The following NME9 variants were observed in gnomAD, a reference collection of about 807,000 sequenced individuals.
NME9 encodes NME/NM23 family member 9, also known as thioredoxin domain-containing protein 6.
In NME9, 48 loss-of-function variants were observed where a neutral mutation model predicts 44.4. That is an observed-to-expected ratio of 1.08 (90% confidence interval 0.86 to 1.37). NME9 has a LOEUF of 1.37. Among genes scored for constraint, NME9 ranks in the 40% most tolerant of loss-of-function variants. NME9 has a pLI of 0.00. For synonymous variants in NME9, 139 were observed against 147.1 expected, an observed-to-expected ratio of 0.94 and a Z score of 0.40; for missense variants, 325 against 405.2, an observed-to-expected ratio of 0.80 and a Z score of 1.70.
At chr3:138,262,886 G>A (rs1484363405) in intron 8 of NME9, among the ~76,000 whole-genome samples, 1 of 152,206 alleles carries the variant, frequency 6.6e-6, no homozygotes, top group Non-Finnish European at 1.5e-5. Context: ...GGAGTCACAT[G>A]CCTGGGTACG....
chr3:138,289,194 C>T, intron 8 of NME9: 1 of 1,174,920 alleles, frequency 8.5e-7, no homozygotes, highest in South Asian at 1.3e-5. Flanking sequence ...TAGCAGGTGC[C>T]CCTGAGATCC....
chr3:138,275,449 C>T (rs1222156574), intron 8 of NME9, among the ~76,000 whole-genome samples: 3 of 152,110 alleles, frequency 2.0e-5, no homozygotes, highest in African/African-American at 4.8e-5. Context: ...GTCCCAACTA[C>T]TGGGGAGGCT....
intron 2 of NME9, among the ~76,000 whole-genome samples, chr3:138,321,926 A>G (rs950939447): frequency 2.6e-5 from 4 of 151,836 alleles, no homozygotes; most frequent in Non-Finnish European, 4.4e-5. Flanking sequence ...CAACCAGAAA[A>G]TCAAAGACAA....
Position 138,291,350 on chromosome 3 carries a change from C to T in NME9, c.745+12157G>A, listed in dbSNP as rs573766480. The stretch of plus-strand genomic sequence containing the variant: ...CACCCCATACTGCAGCCATACCTGT[C>T]CGCTTACAGTAGCACACCTTCGTGC... On this transcript the variant is annotated intron_variant, in intron 8 of 8. Coordinates refer to the NME9 transcript ENST00000317876. Among the ~76,000 whole-genome samples the T allele has an allele frequency of 8.5e-5, 13 of 152,354 alleles. No individual in the cohort carries two copies. In the South Asian group the frequency reaches 2.1e-3, roughly 24 times the overall value.
intron 8 of NME9, among the ~76,000 whole-genome samples, chr3:138,294,355 T>C (rs6805348): frequency 0.74 from 112,819 of 152,096 alleles, 42,055 homozygotes; most frequent in East Asian, 0.86. Context: ...ATCAGAACTG[T>C]TCTTCTCAGC....
chr3:138,262,393 A>C (rs1034387877), exon 9 of NME9: 21 of 906,094 alleles, frequency 2.3e-5, no homozygotes, highest in Non-Finnish European at 3.3e-5. Flanking sequence ...TCTACAGCTA[A>C]AATGTGGTTC....
Position 138,329,500 on chromosome 3 carries a change from T to C in NME9, c.-165A>G. 1 of 1,446,128 alleles carries C rather than the reference T, an allele frequency of 6.9e-7. No individual in the cohort carries two copies. The highest frequency in any genetic ancestry group is 9.0e-7 in the Non-Finnish European group (1 of 1,105,502). The allele number at this position is 1,446,128 out of a possible 1,614,324, so 89.6% of individuals were successfully genotyped here. On this transcript the variant is annotated 5_prime_UTR_variant, in exon 1 of 11. Coordinates refer to ENST00000333911, the MANE Select transcript of NME9 (RefSeq NM_001349018.2). ...TAAGGTGCTTCTAACTGGCGGCAAATCAGCACACTGATACAAAGTGAACAC... is the reference window on the plus strand; with the variant it reads ...TAAGGTGCTTCTAACTGGCGGCAAACCAGCACACTGATACAAAGTGAACAC...
intron 8 of NME9, among the ~76,000 whole-genome samples, chr3:138,287,454 C>T (rs1228970819): frequency 2.6e-5 from 4 of 152,208 alleles, no homozygotes; most frequent in African/African-American, 2.4e-5. Flanking sequence ...ACCCCTCCAC[C>T]CTCCAATTTT....
chr3:138,265,981 G>C (rs1394502055), intron 8 of NME9, among the ~76,000 whole-genome samples: 1 of 152,170 alleles, frequency 6.6e-6, no homozygotes, highest in African/African-American at 2.4e-5. Flanking sequence ...CACTACTCAG[G>C]AGCTGTCAGG....
intron 8 of NME9, among the ~76,000 whole-genome samples, chr3:138,267,643 A>G (rs189812439): frequency 4.6e-5 from 7 of 152,340 alleles, no homozygotes; most frequent in Admixed American, 3.3e-4. Flanking sequence ...GTCATTGGAA[A>G]ATCATCTTTT....
At position 138,276,462 on chromosome 3, in the gene NME9, C is replaced by T. The variant is rs545835067; in HGVS notation, c.746-13876G>A. 5.9e-4 allele frequency among the ~76,000 whole-genome samples: 89 copies of T among 152,122 alleles called. No individual in the cohort carries two copies. In the Middle Eastern group the frequency reaches 0.01, roughly 18 times the overall value. Reference sequence around the variant, plus strand: ...TTCAACATTGTGCTGGAATTCCTACCAAGCACAAGAAGGCAAGAAAAAGAA... The same window carrying T: ...TTCAACATTGTGCTGGAATTCCTACTAAGCACAAGAAGGCAAGAAAAAGAA... On this transcript the variant is annotated intron_variant, in intron 8 of 8. Transcript: ENST00000317876.
intron 8 of NME9, chr3:138,262,625 A>G: frequency 1.3e-6 from 2 of 1,544,298 alleles, no homozygotes; most frequent in Non-Finnish European, 1.7e-6. Flanking sequence ...TTAGGTGCCT[A>G]GCCCTGACCC....
chr3:138,274,725 T>G (rs2049109131), intron 8 of NME9, among the ~76,000 whole-genome samples: 1 of 152,216 alleles, frequency 6.6e-6, no homozygotes. Context: ...CTTCCTGAAA[T>G]AGAGGAAAAC....
At chr3:138,273,762 CTG>C (rs1450276049) in intron 8 of NME9, among the ~76,000 whole-genome samples, 1 of 151,788 alleles carries the variant, frequency 6.6e-6, no homozygotes, top group Non-Finnish European at 1.5e-5. Flanking sequence ...GAAATCTACA[CTG>C]TGTTTTCCAT....
At chr3:138,262,380 TA>T in exon 9 of NME9, 1 of 814,168 alleles carries the variant, frequency 1.2e-6, no homozygotes, top group East Asian at 2.5e-5. Flanking sequence ...TTACCATTCC[TA>T]ATCTACAGCT....
chr3:138,277,405 T>A (rs2049401199), intron 8 of NME9, among the ~76,000 whole-genome samples: 1 of 152,228 alleles, frequency 6.6e-6, no homozygotes, highest in Admixed American at 6.5e-5. Flanking sequence ...AAATTGGTCT[T>A]CATCAAACTG....
At chr3:138,284,588 A>G (rs2050228182) in intron 8 of NME9, 25 of 1,229,496 alleles carry the variant, frequency 2.0e-5, no homozygotes, top group Non-Finnish European at 1.2e-6. Flanking sequence ...TTTTTAACTC[A>G]AAATAAATTG....
chr3:138,265,934 A>C (rs1447933050), intron 8 of NME9, among the ~76,000 whole-genome samples: 3 of 152,204 alleles, frequency 2.0e-5, no homozygotes, highest in African/African-American at 7.2e-5. Flanking sequence ...CCCTGGAGCT[A>C]CTTCAGTGGA....
intron 6 of NME9, among the ~76,000 whole-genome samples, chr3:138,310,628 AAC>A (rs1329970932): frequency 2.0e-5 from 3 of 152,204 alleles, no homozygotes; most frequent in African/African-American, 7.2e-5. Context: ...AAACTACACA[AAC>A]ACATGAAAAT....
Sources: gnomAD v4.1 joint callset for allele counts (sites outside exome capture counted in the v4.1 genomes callset) on GRCh38, gnomAD v4.1.1 for gene constraint, MANE v1.5 for transcripts, NCBI Gene and HGNC (gene_info 2026-07-23, HGNC 2026-07-21) for gene names.